ACYP2: variants seen among roughly 807,000 people sequenced by gnomAD.
ACYP2 encodes the protein acylphosphatase 2.
A neutral mutation model predicts 11.2 loss-of-function variants in ACYP2; 12 were observed. The observed-to-expected ratio is 1.08, with a 90% CI of 0.69 to 1.74. The LOEUF (loss-of-function observed/expected upper bound fraction) is 1.74. Ranked by LOEUF, ACYP2 falls within the 40% of genes most tolerant of loss-of-function variation. ACYP2 has a pLI of 0.00. For missense variants in ACYP2, 134 were observed against 101.9 expected (o/e 1.31, Z -1.35); for synonymous variants, 43 against 32.2 (o/e 1.33, Z -1.13).
chr2:54,095,507 C>T (rs1193009240), intron 4 of ACYP2, among the ~76,000 whole-genome samples: 4 of 149,230 alleles, frequency 2.7e-5, no homozygotes, highest in African/African-American at 2.5e-5. Flanking sequence ...GCTGGCTGGG[C>T]GGGGGGCTGA....
intron 6 of ACYP2, chr2:54,255,279 G>C: frequency 6.2e-7 from 1 of 1,614,184 alleles, no homozygotes; most frequent in Non-Finnish European, 8.5e-7. Context: ...TAAACTTGCA[G>C]CCTGTCCTAG....
rs74986708 is a variant in ACYP2 at position 54,207,773 on chromosome 2, T to C, written c.404+69025T>C. 4.6e-5 allele frequency among the ~76,000 whole-genome samples: 7 copies of C among 152,310 alleles called. No individual in the cohort carries two copies. In the East Asian group the frequency reaches 1.2e-3, roughly 25 times the overall value. Reference sequence around the variant, plus strand: ...CAAAAGCCATGAACCATGATTCTTATCAGTTTGGATTTTTTCCAGAACATT... The same window carrying C: ...CAAAAGCCATGAACCATGATTCTTACCAGTTTGGATTTTTTCCAGAACATT... On this transcript the variant is annotated intron_variant, in intron 6 of 6. Transcript: ENST00000607452.
chr2:54,280,008 G>A (rs1037644202), intron 6 of ACYP2, among the ~76,000 whole-genome samples: 4 of 152,116 alleles, frequency 2.6e-5, no homozygotes, highest in Non-Finnish European at 5.9e-5. Context: ...AATGCAAGTT[G>A]TGGTTTGTAA....
chr2:54,272,451 A>G (rs1688352290), intron 6 of ACYP2, among the ~76,000 whole-genome samples: 1 of 88,610 alleles, frequency 1.1e-5, no homozygotes, highest in Non-Finnish European at 2.4e-5. Context: ...TCCTGTTTCT[A>G]GGTCATAGTA....
intron 6 of ACYP2, among the ~76,000 whole-genome samples, chr2:54,295,800 G>A (rs936407001): frequency 4.6e-5 from 7 of 151,092 alleles, no homozygotes; most frequent in Non-Finnish European, 3.0e-5. Flanking sequence ...TCACTCTGTC[G>A]CCCAGGCTGG....
intron 4 of ACYP2, among the ~76,000 whole-genome samples, chr2:54,059,326 C>T (rs1676345662): frequency 6.6e-6 from 1 of 152,064 alleles, no homozygotes; most frequent in Admixed American, 6.5e-5. Context: ...TCAAGTGATT[C>T]TCCTGACTCA....
At chr2:54,282,882 G>A (rs541708643) in intron 6 of ACYP2, among the ~76,000 whole-genome samples, 77 of 152,170 alleles carry the variant, frequency 5.1e-4, no homozygotes, top group Non-Finnish European at 8.8e-4. Flanking sequence ...TCAAAGAGTG[G>A]CCATATCTAA....
At chr2:54,164,560 G>C (rs1682872134) in intron 6 of ACYP2, among the ~76,000 whole-genome samples, 1 of 152,102 alleles carries the variant, frequency 6.6e-6, no homozygotes, top group Non-Finnish European at 1.5e-5. Flanking sequence ...AACTGGCAAA[G>C]GGACAATATA....
At chr2:54,302,586 C>A in intron 6 of ACYP2, among the ~76,000 whole-genome samples, 1 of 152,174 alleles carries the variant, frequency 6.6e-6, no homozygotes. Context: ...TTTCTATCTG[C>A]TGACAAATTC....
At chr2:54,158,022 T>C (rs942178719) in intron 6 of ACYP2, among the ~76,000 whole-genome samples, 2 of 150,246 alleles carry the variant, frequency 1.3e-5, no homozygotes, top group African/African-American at 5.0e-5. Flanking sequence ...TTTCTTTCTT[T>C]TATTATTATT....
intron 6 of ACYP2, among the ~76,000 whole-genome samples, chr2:54,145,555 T>C (rs935897202): frequency 6.6e-6 from 1 of 152,144 alleles, no homozygotes; most frequent in African/African-American, 2.4e-5. Flanking sequence ...CATGTGCCCA[T>C]TACCCACTTT....
intron 2 of ACYP2, among the ~76,000 whole-genome samples, chr2:54,039,305 CG>C (rs571215148): frequency 4.9e-5 from 6 of 121,842 alleles, no homozygotes; most frequent in South Asian, 2.9e-4. Flanking sequence ...TTTTTTTTGG[CG>C]GGGGGGGACA....
intron 6 of ACYP2, among the ~76,000 whole-genome samples, chr2:54,153,822 A>T (rs111810418): frequency 6.6e-6 from 1 of 151,864 alleles, no homozygotes; most frequent in South Asian, 2.1e-4. Context: ...GAATGGTCTC[A>T]ATCTCCTGAC....
At chr2:54,009,818 A>T (rs948059309) in intron 2 of ACYP2, among the ~76,000 whole-genome samples, 1 of 152,194 alleles carries the variant, frequency 6.6e-6, no homozygotes, top group Non-Finnish European at 1.5e-5. Context: ...CTTATCATGT[A>T]CTTAATTTGT....
intron 4 of ACYP2, among the ~76,000 whole-genome samples, chr2:54,087,764 CAGAT>C (rs1367651193): frequency 1.3e-5 from 2 of 152,120 alleles, no homozygotes; most frequent in African/African-American, 2.4e-5. Context: ...AAGGGACGGA[CAGAT>C]GGATGGATAG....
chr2:54,013,680 G>A (rs1238676754), intron 2 of ACYP2, among the ~76,000 whole-genome samples: 1 of 149,736 alleles, frequency 6.7e-6, no homozygotes, highest in African/African-American at 2.5e-5. Context: ...TCTATGACGA[G>A]TTTATTTAAC....
intron 4 of ACYP2, among the ~76,000 whole-genome samples, chr2:54,097,864 TTC>T (rs1193229975): frequency 1.8e-5 from 2 of 109,292 alleles, no homozygotes; most frequent in East Asian, 3.4e-4. Flanking sequence ...CTTTCTTTCT[TTC>T]TCTTTCTCTC....
chr2:54,134,731 C>T (rs1681122205), intron 4 of ACYP2, among the ~76,000 whole-genome samples: 1 of 152,198 alleles, frequency 6.6e-6, no homozygotes, highest in African/African-American at 2.4e-5. Context: ...TTACTTACCA[C>T]TTAATAAATA....
At chr2:54,190,071 TTGAGTTGTA>T (rs1358040802) in intron 6 of ACYP2, among the ~76,000 whole-genome samples, 1 of 152,210 alleles carries the variant, frequency 6.6e-6, no homozygotes, top group Admixed American at 6.5e-5. Context: ...TTTCTTGCTA[TTGAGTTGTA>T]TGAGTTCTTT....
Sources: gnomAD v4.1 joint callset for allele counts (sites outside exome capture counted in the v4.1 genomes callset) on GRCh38, gnomAD v4.1.1 for gene constraint, MANE v1.5 for transcripts, NCBI Gene and HGNC (gene_info 2026-07-23, HGNC 2026-07-21) for gene names.